TAOK1: variants seen among roughly 807,000 people sequenced by gnomAD.
TAOK1 encodes TAO kinase 1, also known as serine/threonine-protein kinase TAO1.
In TAOK1, 21 loss-of-function variants were observed where a neutral mutation model predicts 138.3. The observed-to-expected ratio is 0.15, with a 90% CI of 0.11 to 0.22. The LOEUF is 0.22. Among genes scored for constraint, TAOK1 ranks in the 10% least tolerant of loss-of-function variants. The probability of loss-of-function intolerance (pLI) is 1.00; values close to 1 mark genes in which losing one functional copy is unlikely to be tolerated. For synonymous variants in TAOK1, 361 were observed against 398.4 expected (o/e 0.91, Z 1.12); for missense variants, 651 against 1,227.7 (o/e 0.53, Z 7.02).
Position 29,542,958 on chromosome 17 carries a change from G to A in TAOK1, c.2942G>A (p.Gly981Asp). 1 of 1,612,266 alleles carries A rather than the reference G, an allele frequency of 6.2e-7. No individual in the cohort carries two copies. The highest frequency in any genetic ancestry group is 8.5e-7 in the Non-Finnish European group (1 of 1,179,182). ...GCTTCTGGGGGACGGACGGAGCAGG[G>A]CATGAGCAGAAGCACGAGTGTCACT... The part of the protein sequence containing the change: ...RTASGGRTEQ[G>D]MSRSTSVTSQ... The change falls in exon 20 of 20, where the codon GGC becomes GAC. Residue 981 changes from glycine to aspartate, a missense_variant. By Grantham distance (94) the Gly-to-Asp change is moderately conservative. Transcript: ENST00000261716.
At chr17:29,501,273 A>G (rs1334572752) in intron 12 of TAOK1, among the ~76,000 whole-genome samples, 2 of 151,456 alleles carry the variant, frequency 1.3e-5, no homozygotes, top group Non-Finnish European at 2.9e-5. Flanking sequence ...CAGGTGTGGC[A>G]TATGCCTGTG....
At chr17:29,459,451 G>GT (rs1032205396) in intron 2 of TAOK1, among the ~76,000 whole-genome samples, 16 of 149,808 alleles carry the variant, frequency 1.1e-4, no homozygotes, top group South Asian at 2.1e-4. Flanking sequence ...CCGGCTGTTT[G>GT]TTTTTTTTTA....
intron 18 of TAOK1, among the ~76,000 whole-genome samples, chr17:29,533,363 A>G (rs1312401533): frequency 9.7e-5 from 13 of 134,710 alleles, no homozygotes; most frequent in Non-Finnish European, 2.0e-4. Context: ...CACACTGGGC[A>G]GCCAGGCAGA....
intron 1 of TAOK1, among the ~76,000 whole-genome samples, chr17:29,401,089 T>C (rs189477401): frequency 6.6e-6 from 1 of 151,744 alleles, no homozygotes; most frequent in Non-Finnish European, 1.5e-5. Context: ...TTTGAAAAAA[T>C]TTTTTTGTGC....
intron 1 of TAOK1, among the ~76,000 whole-genome samples, chr17:29,428,987 G>A (rs1188447307): frequency 4.6e-5 from 7 of 152,070 alleles, no homozygotes; most frequent in Non-Finnish European, 1.0e-4. Flanking sequence ...AAGTCAATGA[G>A]TGTTAATTCC....
chr17:29,549,516 G>A lies in TAOK1; in HGVS notation c.*6494G>A, dbSNP rs1236720536. 6.6e-6 allele frequency: 1 copy of A among 152,164 alleles called. No homozygotes were observed. The highest frequency in any genetic ancestry group is 1.5e-5 in the Non-Finnish European group (1 of 68,032). The allele number at this position is 152,164 out of a possible 1,614,324, so 9.4% of individuals were successfully genotyped here. On this transcript the variant is annotated 3_prime_UTR_variant, in exon 20 of 20. Coordinates refer to ENST00000261716, the MANE Select transcript of TAOK1 (RefSeq NM_020791.4). ...ATATAGGGAACAGGTTTCTCTCAGTGGCACATTTTGCTTTTTCTGAGCCCC... is the reference window on the plus strand; with the variant it reads ...ATATAGGGAACAGGTTTCTCTCAGTAGCACATTTTGCTTTTTCTGAGCCCC...
At chr17:29,443,207 C>G (rs142816906) in intron 1 of TAOK1, among the ~76,000 whole-genome samples, 143 of 152,228 alleles carry the variant, frequency 9.4e-4, no homozygotes, top group African/African-American at 3.2e-3. Flanking sequence ...CAACAATGTC[C>G]TTCTTGTGAA....
intron 1 of TAOK1, among the ~76,000 whole-genome samples, chr17:29,426,195 T>C (rs1304964083): frequency 6.6e-6 from 1 of 152,182 alleles, no homozygotes; most frequent in Non-Finnish European, 1.5e-5. Context: ...TGAATCAGTT[T>C]GATTCATGGT....
chr17:29,542,531 G>A, intron 19 of TAOK1, 30 bp from the exon 20 acceptor site: 1 of 1,520,992 alleles, frequency 6.6e-7, no homozygotes, highest in Middle Eastern at 1.8e-4. Context: ...ATAATAAATT[G>A]GCTTTCATTT....
intron 1 of TAOK1, among the ~76,000 whole-genome samples, chr17:29,435,728 C>G (rs1906007951): frequency 6.6e-6 from 1 of 152,234 alleles, no homozygotes; most frequent in Non-Finnish European, 1.5e-5. Context: ...GGAGCATACC[C>G]TTCCAGTAAA....
chr17:29,518,955 C>T (rs536944528), intron 16 of TAOK1, among the ~76,000 whole-genome samples: 5 of 151,886 alleles, frequency 3.3e-5, no homozygotes, highest in African/African-American at 7.2e-5. Context: ...TTAGTAGAGA[C>T]GGGGTTTTGC....
rs150647606 is a variant in TAOK1, at chr17:29,487,788, G to A, written c.656-1876G>A. On this transcript the variant is annotated intron_variant, in intron 8 of 19. Coordinates refer to ENST00000261716, the MANE Select transcript of TAOK1 (RefSeq NM_020791.4). Reference sequence around the variant, plus strand: ...AATAAATAAAAGAATAAAGTTGAAAGTTTCATGAGAAGCAGAATATTTATG... The same window carrying A: ...AATAAATAAAAGAATAAAGTTGAAAATTTCATGAGAAGCAGAATATTTATG... 2.4e-4 allele frequency among the ~76,000 whole-genome samples: 36 copies of A among 152,314 alleles called. No individual in the cohort carries two copies. The East Asian group carries it at 6.7e-3, about 29-fold the overall frequency.
At chr17:29,458,557 G>C (rs1244064870) in intron 2 of TAOK1, among the ~76,000 whole-genome samples, 1 of 152,124 alleles carries the variant, frequency 6.6e-6, no homozygotes, top group Non-Finnish European at 1.5e-5. Flanking sequence ...GAGTGCAATG[G>C]CACAATCTTG....
chr17:29,482,797 T>A (rs2031091590), intron 8 of TAOK1, among the ~76,000 whole-genome samples: 1 of 151,978 alleles, frequency 6.6e-6, no homozygotes, highest in South Asian at 2.1e-4. Flanking sequence ...CCATGATCCA[T>A]AGGTATATGC....
chr17:29,530,962 A>ATTTT (rs66788063), intron 18 of TAOK1, among the ~76,000 whole-genome samples: 4 of 96,192 alleles, frequency 4.2e-5, no homozygotes, highest in Admixed American at 1.5e-4. Context: ...ACAAGTACAA[A>ATTTT]TTTTTTTTTT....
At chr17:29,409,333 A>ATATTTTT (rs1348702470) in intron 1 of TAOK1, among the ~76,000 whole-genome samples, 1 of 59,056 alleles carries the variant, frequency 1.7e-5, no homozygotes, top group African/African-American at 6.7e-5. Context: ...ATATATATAT[A>ATATTTTT]TTTTTTTTTT....
chr17:29,449,042 A>G (rs958485428), intron 1 of TAOK1, among the ~76,000 whole-genome samples: 2 of 152,208 alleles, frequency 1.3e-5, no homozygotes, highest in Non-Finnish European at 2.9e-5. Flanking sequence ...TTTGTTAGGT[A>G]GATAAGAAAG....
chr17:29,466,998 G>T (rs539707875), intron 2 of TAOK1, 147 bp from the exon 3 acceptor site: 4 of 458,548 alleles, frequency 8.7e-6, no homozygotes, highest in Non-Finnish European at 1.6e-5. Flanking sequence ...TTGCTGTATA[G>T]TGTTATTTTT....
chr17:29,395,570 G>A, intron 1 of TAOK1, among the ~76,000 whole-genome samples: 1 of 150,378 alleles, frequency 6.6e-6, no homozygotes, highest in African/African-American at 2.4e-5. Flanking sequence ...TATTTCTCTA[G>A]TAAAGTTTCG....
Sources: allele counts gnomAD v4.1 joint callset (sites outside exome capture counted in the v4.1 genomes callset), GRCh38; gene constraint gnomAD v4.1.1; transcripts MANE v1.5; gene names NCBI Gene and HGNC (gene_info 2026-07-23, HGNC 2026-07-21).